The following IGSF5 variants were observed in gnomAD, a reference collection of about 807,000 sequenced individuals.
IGSF5 encodes immunoglobulin superfamily member 5, also known as immunoglobulin superfamily 5 like.
Under a neutral mutation model 39.4 loss-of-function variants are expected in IGSF5, and 41 were observed. That is an observed-to-expected ratio of 1.04 (90% confidence interval 0.81 to 1.35). The LOEUF (loss-of-function observed/expected upper bound fraction) is 1.35. IGSF5 is among the 40% of genes most tolerant of loss of function. IGSF5 has a pLI of 0.00. For missense variants in IGSF5, 487 were observed against 494.6 expected (o/e 0.98, Z 0.15); for synonymous variants, 183 against 175.3 (o/e 1.04, Z -0.34).
chr21:39,771,971 T>A (rs371471451), intron 4 of IGSF5, among the ~76,000 whole-genome samples: 1 of 152,194 alleles, frequency 6.6e-6, no homozygotes, highest in East Asian at 1.9e-4. Context: ...GAGCTGGGCC[T>A]AGAAGCTGAG....
At chr21:39,757,439 G>A (rs1033850047) in intron 2 of IGSF5, among the ~76,000 whole-genome samples, 1 of 151,990 alleles carries the variant, frequency 6.6e-6, no homozygotes, top group South Asian at 2.1e-4. Context: ...GGCGGGTGGT[G>A]TAAGACGATT....
At chr21:39,733,528 A>G in the IGSF5 span, among the ~76,000 whole-genome samples, 1 of 152,228 alleles carries the variant, frequency 6.6e-6, no homozygotes. Flanking sequence ...ACTTAAAATT[A>G]TTTCATAATA....
chr21:39,778,603 G>A (rs1016599585), intron 4 of IGSF5, among the ~76,000 whole-genome samples: 3 of 152,220 alleles, frequency 2.0e-5, no homozygotes, highest in African/African-American at 7.2e-5. Flanking sequence ...ATGCACCTAA[G>A]TTCCTTTAGA....
the IGSF5 span, among the ~76,000 whole-genome samples, chr21:39,724,468 G>A: frequency 1.3e-5 from 2 of 152,286 alleles, no homozygotes; most frequent in South Asian, 2.1e-4. Context: ...GGTCTTTCCT[G>A]TGCTGTTCTT....
At chr21:39,771,422 T>TC (rs888339034) in intron 4 of IGSF5, among the ~76,000 whole-genome samples, 23 of 152,232 alleles carry the variant, frequency 1.5e-4, no homozygotes, top group African/African-American at 5.5e-4. Flanking sequence ...AAGTTTTTTT[T>TC]CTCCTATTAC....
chr21:39,745,732 T>G (rs2079970813), intron 1 of IGSF5, among the ~76,000 whole-genome samples: 1 of 152,142 alleles, frequency 6.6e-6, no homozygotes, highest in African/African-American at 2.4e-5. Context: ...TAGAAAGCCC[T>G]TCCCCAGATA....
Position 39,785,055 on chromosome 21 carries a change from A to G in IGSF5, c.935-3112A>G, listed in dbSNP as rs113105343. Among the ~76,000 whole-genome samples, 355 of 147,614 alleles carry G rather than the reference A, an allele frequency of 2.4e-3. 2 individuals are homozygous for G. Among genetic ancestry groups the G allele is most frequent in the African/African-American group, 8.6e-3 (348 of 40,344 alleles). ...TGTTCCCTTTTCTTTTTTTTAAATT[A>G]TACTTTAAGTTTTAGGGTACATGTG... On this transcript the variant is annotated intron_variant, in intron 5 of 8. Transcript: ENST00000380588.
chr21:39,799,102 C>A (rs572331126), intron 8 of IGSF5, among the ~76,000 whole-genome samples: 3 of 152,174 alleles, frequency 2.0e-5, no homozygotes, highest in Non-Finnish European at 4.4e-5. Context: ...GGTCCCCAGG[C>A]TGCCTGGAGC....
intron 3 of IGSF5, among the ~76,000 whole-genome samples, chr21:39,767,052 C>A (rs1001496994): frequency 2.6e-5 from 4 of 152,096 alleles, no homozygotes; most frequent in African/African-American, 9.7e-5. Context: ...TAATTAGGGG[C>A]ACAATTCTAT....
chr21:39,799,913 T>G (rs1010090677), intron 8 of IGSF5, among the ~76,000 whole-genome samples: 1 of 152,218 alleles, frequency 6.6e-6, no homozygotes, highest in Non-Finnish European at 1.5e-5. Context: ...TTTTCAAAAC[T>G]GTCATATACA....
Position 39,746,261 on chromosome 21 carries a change from GGCGGGTCTGCGATGGTGGCAAACAGCA to G in IGSF5, c.65_91del (p.Ala22_Ala30del). 2.9e-6 allele frequency: 2 copies of G among 701,700 alleles called. No individual in the cohort carries two copies. Among genetic ancestry groups the G allele is most frequent in the Non-Finnish European group, 5.2e-6 (2 of 384,760 alleles). 43.5% of individuals were successfully genotyped at this position (701,700 alleles called of 1,614,324 possible). A position where few individuals can be genotyped will look rare whatever the true frequency, so the allele number is the denominator to read the frequency against. ...CGGATCTGGAGGAATGGAAGTCAGC[GGCGGGTCTGCGATGGTGGCAAACAGCA>G]GTGGTGGACGGTGAGTGAAAGCTCA... On this transcript the variant is annotated inframe_deletion, in exon 2 of 9. Transcript: ENST00000380588.
chr21:39,729,845 T>G, the IGSF5 span: 2 of 152,128 alleles, frequency 1.3e-5, no homozygotes, highest in Non-Finnish European at 2.9e-5. Context: ...TGGTTTCGAT[T>G]TTTGGAGGAA....
chr21:39,713,863 G>C, the IGSF5 span, among the ~76,000 whole-genome samples: 1 of 152,256 alleles, frequency 6.6e-6, no homozygotes, highest in South Asian at 2.1e-4. Flanking sequence ...ATCTTCATAG[G>C]GTTTCTCTCT....
At chr21:39,752,015 T>C (rs897990759) in intron 2 of IGSF5, among the ~76,000 whole-genome samples, 1 of 152,196 alleles carries the variant, frequency 6.6e-6, no homozygotes, top group Non-Finnish European at 1.5e-5. Flanking sequence ...CTTCTTTTTT[T>C]CTTTACTTTT....
chr21:39,795,236 G>T (rs2086988827), intron 8 of IGSF5, among the ~76,000 whole-genome samples: 1 of 152,162 alleles, frequency 6.6e-6, no homozygotes, highest in African/African-American at 2.4e-5. Flanking sequence ...AGCTGGAAGG[G>T]ACGATGATGC....
At chr21:39,755,274 G>A (rs2080023707) in intron 2 of IGSF5, among the ~76,000 whole-genome samples, 1 of 152,154 alleles carries the variant, frequency 6.6e-6, no homozygotes, top group Admixed American at 6.5e-5. Context: ...GTGGAGTTGT[G>A]TTAATCGAAC....
At chr21:39,740,922 T>C (rs544549373), upstream of IGSF5, among the ~76,000 whole-genome samples, 1 of 152,290 alleles carries the variant, frequency 6.6e-6, no homozygotes, top group African/African-American at 2.4e-5. Flanking sequence ...GTAAGATTTC[T>C]TCCCTGTATT....
the IGSF5 span, among the ~76,000 whole-genome samples, chr21:39,720,438 G>A: frequency 6.6e-6 from 1 of 152,160 alleles, no homozygotes; most frequent in Non-Finnish European, 1.5e-5. Context: ...TGGAATAGAA[G>A]GTTCCCATAT....
chr21:39,778,505 TG>T, intron 4 of IGSF5, among the ~76,000 whole-genome samples: 1 of 152,232 alleles, frequency 6.6e-6, no homozygotes, highest in East Asian at 1.9e-4. Flanking sequence ...CTAAGGAAGG[TG>T]TCTCCTGAAA....
Sources: gnomAD v4.1 joint callset for allele counts (sites outside exome capture counted in the v4.1 genomes callset) on GRCh38, gnomAD v4.1.1 for gene constraint, MANE v1.5 for transcripts, NCBI Gene and HGNC (gene_info 2026-07-23, HGNC 2026-07-21) for gene names.